SNTB2: variants seen among roughly 807,000 people sequenced by gnomAD.
The protein encoded by SNTB2 is syntrophin beta 2, also known as beta-2-syntrophin.
Under a neutral mutation model 46.2 loss-of-function variants are expected in SNTB2, and 34 were observed. That is an observed-to-expected ratio of 0.74 (90% CI 0.56 to 0.98). SNTB2 has a LOEUF of 0.98. Among genes scored for constraint, SNTB2 ranks in the 50% least tolerant of loss-of-function variants. The pLI is 0.00. For synonymous variants in SNTB2, 290 were observed against 312.6 expected (o/e 0.93, Z 0.76); for missense variants, 603 against 731.4 (o/e 0.82, Z 2.02).
intron 3 of SNTB2, among the ~76,000 whole-genome samples, chr16:69,269,904 T>C (rs1485795271): frequency 3.3e-5 from 5 of 152,168 alleles, no homozygotes; most frequent in Admixed American, 2.0e-4. Flanking sequence ...TATTATGGAA[T>C]GGGGAAAAAC....
chr16:69,295,410 C>G (rs758824242), intron 5 of SNTB2, among the ~76,000 whole-genome samples: 2 of 151,498 alleles, frequency 1.3e-5, no homozygotes, highest in Non-Finnish European at 1.5e-5. Context: ...CCACCACTCC[C>G]GGCTAATTTT....
At chr16:69,259,236 A>AT (rs58387978) in intron 2 of SNTB2, among the ~76,000 whole-genome samples, 1,656 of 69,192 alleles carry the variant, frequency 0.024, 301 homozygotes, top group African/African-American at 0.048. Flanking sequence ...GGTCTTTCTG[A>AT]TTTTTTTTTT....
At position 69,187,216 on chromosome 16, in the gene SNTB2, C is replaced by T; in HGVS notation, c.50C>T (p.Ala17Val). The T allele has an allele frequency of 2.1e-6, 3 of 1,435,662 alleles. No individual in the cohort carries two copies. The highest frequency in any genetic ancestry group is 2.7e-6 in the Non-Finnish European group (3 of 1,095,842). The allele number at this position is 1,435,662 out of a possible 1,614,324, so 88.9% of individuals were successfully genotyped here. Reference sequence around the variant, plus strand: ...GCGGCTGGAGCGGGGCCGGCCATGGCGGTGTGGACGCGGGCCACCAAAGCG... The same window carrying T: ...GCGGCTGGAGCGGGGCCGGCCATGGTGGTGTGGACGCGGGCCACCAAAGCG... ...TAAAGAGPAM[A>V]VWTRATKAGL... The change falls in exon 1 of 7, where the codon GCG (alanine) becomes GTG (valine). Residue 17 changes from alanine to valine, a missense_variant. By Grantham distance (64) the Ala-to-Val change is moderately conservative. Around this residue, in one of 2 missense-constraint regions of SNTB2, gnomAD observed 66 missense variants for 39.0 expected, o/e 1.69. Transcript: ENST00000336278.
intron 3 of SNTB2, among the ~76,000 whole-genome samples, chr16:69,264,210 G>A (rs1172316734): frequency 6.6e-6 from 1 of 152,116 alleles, no homozygotes; most frequent in Non-Finnish European, 1.5e-5. Flanking sequence ...TGATGCCAAG[G>A]CCATTGTGAG....
At chr16:69,273,658 A>G (rs1964959817) in intron 4 of SNTB2, among the ~76,000 whole-genome samples, 1 of 152,158 alleles carries the variant, frequency 6.6e-6, no homozygotes, top group African/African-American at 2.4e-5. Flanking sequence ...TGAATATACT[A>G]AAGACCACTG....
At chr16:69,295,785 A>C (rs1006742621) in intron 5 of SNTB2, among the ~76,000 whole-genome samples, 3 of 151,988 alleles carry the variant, frequency 2.0e-5, no homozygotes, top group African/African-American at 7.2e-5. Context: ...TTAAATCAGA[A>C]TGAAAGGCTT....
At chr16:69,229,870 C>T (rs1043144781) in intron 1 of SNTB2, among the ~76,000 whole-genome samples, 7 of 143,806 alleles carry the variant, frequency 4.9e-5, no homozygotes, top group Admixed American at 2.2e-4. Flanking sequence ...TCACTTCAGC[C>T]TTGAACTCCT....
At chr16:69,211,159 C>T (rs1205653094) in intron 1 of SNTB2, among the ~76,000 whole-genome samples, 3 of 151,304 alleles carry the variant, frequency 2.0e-5, no homozygotes, top group East Asian at 3.9e-4. Context: ...AAAAAAAACC[C>T]CAATAAATAT....
chr16:69,266,770 ACAG>A (rs1236533286), intron 3 of SNTB2, among the ~76,000 whole-genome samples: 1 of 152,110 alleles, frequency 6.6e-6, no homozygotes, highest in African/African-American at 2.4e-5. Flanking sequence ...AGGCTGGAGT[ACAG>A]TAGTACAATC....
At chr16:69,266,605 C>T (rs1290094068) in intron 3 of SNTB2, among the ~76,000 whole-genome samples, 1 of 152,136 alleles carries the variant, frequency 6.6e-6, no homozygotes, top group East Asian at 1.9e-4. Flanking sequence ...CTTTAGGGCT[C>T]AAAATACCTT....
intron 1 of SNTB2, among the ~76,000 whole-genome samples, chr16:69,200,564 G>A (rs1280698158): frequency 6.6e-6 from 1 of 152,228 alleles, no homozygotes. Flanking sequence ...TGGCGTCAAG[G>A]AGAGGTTCAT....
chr16:69,235,372 T>A (rs1236548428), intron 1 of SNTB2, among the ~76,000 whole-genome samples: 1 of 152,198 alleles, frequency 6.6e-6, no homozygotes, highest in Non-Finnish European at 1.5e-5. Flanking sequence ...TAAGGGGTTA[T>A]CTCAAAACCC....
rs1964000616 is a variant in SNTB2, at chr16:69,187,428, A to G, written c.262A>G (p.Ser88Gly). ...GGGCGACTCGCTGCCCGGGAGCCCA[A>G]GCCGCGGCCTGGGGCCCCCGAGCCC... is the stretch of plus-strand genomic sequence containing the variant. ...GAGDSLPGSP[S>G]RGLGPPSPPA... Residue 88 changes from serine (S) to glycine (G), a missense_variant, in exon 1 of 7, where the codon AGC becomes GGC. Physicochemically the swap from Ser to Gly is moderately conservative, Grantham distance 56. Around this residue, in one of 2 missense-constraint regions of SNTB2, gnomAD observed 537 missense variants for 692.4 expected, o/e 0.78. Coordinates refer to ENST00000336278, the MANE Select transcript of SNTB2 (RefSeq NM_006750.4). The G allele has an allele frequency of 3.3e-6, 4 of 1,194,660 alleles. No homozygotes were observed. The highest frequency in any genetic ancestry group is 4.6e-5 in the Admixed American group (1 of 21,906). The allele number at this position is 1,194,660 out of a possible 1,614,324, so 74.0% of individuals were successfully genotyped here.
intron 2 of SNTB2, among the ~76,000 whole-genome samples, chr16:69,250,697 G>T (rs966119489): frequency 5.9e-5 from 9 of 151,826 alleles, no homozygotes; most frequent in African/African-American, 1.2e-4. Flanking sequence ...GGGAGTTTGC[G>T]ACCCTGTCTG....
chr16:69,195,279 T>C (rs1406173590), intron 1 of SNTB2, among the ~76,000 whole-genome samples: 1 of 150,764 alleles, frequency 6.6e-6, no homozygotes, highest in Non-Finnish European at 1.5e-5. Context: ...GTTGTTATTA[T>C]TTTTTTTTAG....
At chr16:69,270,490 C>G (rs550727334) in intron 4 of SNTB2, among the ~76,000 whole-genome samples, 4 of 152,108 alleles carry the variant, frequency 2.6e-5, no homozygotes, top group Non-Finnish European at 5.9e-5. Flanking sequence ...TTATAATGAG[C>G]GTTTTTGTGT....
rs534428374 is a variant in SNTB2 at position 69,284,650 on chromosome 16, T to A, written c.1345+406T>A. 4.5e-4 allele frequency among the ~76,000 whole-genome samples: 69 copies of A among 152,188 alleles called. No individual in the cohort carries two copies. The South Asian group carries it at 7.1e-3, about 16-fold the overall frequency. On this transcript the variant is annotated intron_variant, in intron 5 of 6. Transcript: ENST00000336278. ...TTAGCCAGGCGTGGCAGCATGTGCCTGTAGTCCCAGCTGTTCGGGAGGCTG... is the reference window on the plus strand; with the variant it reads ...TTAGCCAGGCGTGGCAGCATGTGCCAGTAGTCCCAGCTGTTCGGGAGGCTG...
intron 1 of SNTB2, among the ~76,000 whole-genome samples, chr16:69,198,309 A>T (rs1219639842): frequency 6.6e-6 from 1 of 152,060 alleles, no homozygotes; most frequent in African/African-American, 2.4e-5. Flanking sequence ...GGGTTTCGCC[A>T]TGTCGCCCAG....
chr16:69,222,214 C>T (rs1964412068), intron 1 of SNTB2, among the ~76,000 whole-genome samples: 1 of 152,158 alleles, frequency 6.6e-6, no homozygotes, highest in African/African-American at 2.4e-5. Context: ...TGACGTACAA[C>T]ATAAAAAATA....
Sources: allele counts gnomAD v4.1 joint callset (sites outside exome capture counted in the v4.1 genomes callset), GRCh38; gene constraint gnomAD v4.1.1; regional missense constraint gnomAD v4.1.1; transcripts MANE v1.5; gene names NCBI Gene and HGNC (gene_info 2026-07-23, HGNC 2026-07-21).